NAPA: variants seen among roughly 807,000 people sequenced by gnomAD.
NAPA encodes NSF attachment protein alpha.
A neutral mutation model predicts 48.0 loss-of-function variants in NAPA; 18 were observed. The ratio of observed to expected loss-of-function variants is 0.38; its 90% CI spans 0.26 to 0.56. NAPA has a LOEUF of 0.56. NAPA is among the 20% of genes least tolerant of loss of function. NAPA has a pLI of 0.77. For missense variants in NAPA, 315 were observed against 385.0 expected (o/e 0.82, Z 1.52); for synonymous variants, 152 against 149.9 (o/e 1.01, Z -0.10).
intron 3 of NAPA, among the ~76,000 whole-genome samples, chr19:47,499,568 G>C (rs997859609): frequency 1.3e-5 from 2 of 152,278 alleles, no homozygotes; most frequent in East Asian, 3.8e-4. Flanking sequence ...TCGGCCTCTT[G>C]CCAGGCCTGA....
downstream of NAPA, among the ~76,000 whole-genome samples, chr19:47,487,445 A>T (rs535785827): frequency 4.6e-5 from 7 of 152,232 alleles, no homozygotes; most frequent in East Asian, 1.4e-3. Context: ...CTCCCAAGCC[A>T]GAGCTCCTCC....
intron 3 of NAPA, chr19:47,496,872 G>A (rs1390671615): frequency 2.2e-6 from 1 of 455,996 alleles, no homozygotes; most frequent in Non-Finnish European, 4.4e-6. Flanking sequence ...GGGGTCTGTA[G>A]GTTTTGTCCA....
At chr19:47,496,185 G>A (rs1968417887) in intron 3 of NAPA, 1 of 155,254 alleles carries the variant, frequency 6.4e-6, no homozygotes, top group Non-Finnish European at 1.4e-5. Context: ...TGAGCCCTCA[G>A]TGTGCTCTCC....
At chr19:47,491,105 C>T (rs1434436570) in intron 8 of NAPA, 5 of 431,600 alleles carry the variant, frequency 1.2e-5, no homozygotes, top group Admixed American at 4.2e-5. Flanking sequence ...CAGATAGGCA[C>T]CCACTGCCTC....
intron 1 of NAPA, 113 bp from the exon 2 acceptor site, chr19:47,503,615 T>G: frequency 1.0e-6 from 1 of 986,844 alleles, no homozygotes; most frequent in Non-Finnish European, 1.6e-6. Flanking sequence ...ACCCTTCACC[T>G]GTGAAGCCAG....
At chr19:47,503,297 T>TCCGATG (rs1968621289) in intron 2 of NAPA, 126 bp downstream of exon 2, 5 of 847,284 alleles carry the variant, frequency 5.9e-6, no homozygotes, top group Non-Finnish European at 1.0e-5. Context: ...CCAGTGGCTT[T>TCCGATG]CCGATGCCGG....
In NAPA at chr19:47,488,108, T is replaced by C; in HGVS notation, c.*180A>G. On this transcript the variant is annotated 3_prime_UTR_variant, in exon 11 of 11. Coordinates refer to ENST00000263354, the MANE Select transcript of NAPA (RefSeq NM_003827.4). ...GGATGTAGCGAGAACAGAGGGTGAC[T>C]GTCCGGCCAGCAGCCTGGGCCTCTG... is the stretch of plus-strand genomic sequence containing the variant. The C allele has an allele frequency of 1.7e-6, 1 of 584,246 alleles. No homozygotes were observed. Among genetic ancestry groups the C allele is most frequent in the South Asian group, 2.0e-5 (1 of 49,902 alleles). The allele number at this position is 584,246 out of a possible 1,614,324, so 36.2% of individuals were successfully genotyped here. A position where few individuals can be genotyped will look rare whatever the true frequency, so the allele number is the denominator to read the frequency against.
Position 47,488,297 on chromosome 19 carries a change from GTCC to G in NAPA, c.876_878del (p.Glu292del), listed in dbSNP as rs1225850755. The G allele has an allele frequency of 4.3e-6, 7 of 1,612,906 alleles. No homozygotes were observed. In the Admixed American group the frequency reaches 8.3e-5, roughly 19 times the overall value. On this transcript the variant is annotated inframe_deletion, in exon 11 of 11. Coordinates refer to ENST00000263354, the MANE Select transcript of NAPA (RefSeq NM_003827.4). The stretch of plus-strand genomic sequence containing the variant: ...GGGGGCTGGGTGGGGCTTAGCGCAG[GTCC>G]TCCTCATCGCCCTGGATGGTCTTCT...
intron 1 of NAPA, among the ~76,000 whole-genome samples, chr19:47,508,469 C>A (rs929625948): frequency 6.6e-6 from 1 of 152,210 alleles, no homozygotes; most frequent in Non-Finnish European, 1.5e-5. Context: ...TCCACAAGCC[C>A]CAGTTAACAA....
downstream of NAPA, chr19:47,487,600 G>A (rs907172624): frequency 3.3e-5 from 5 of 152,378 alleles, no homozygotes; most frequent in African/African-American, 1.2e-4. Context: ...CTGGCCCAGG[G>A]GCAGAGTGGG....
chr19:47,488,553 C>CT (rs1374913074), intron 10 of NAPA, 164 bp from the exon 11 acceptor site: 1 of 534,720 alleles, frequency 1.9e-6, no homozygotes. Context: ...TGGGAGCTCC[C>CT]TCTTGTCTGT....
At chr19:47,499,746 G>A (rs529160266) in intron 3 of NAPA, among the ~76,000 whole-genome samples, 3 of 152,350 alleles carry the variant, frequency 2.0e-5, no homozygotes, top group South Asian at 2.1e-4. Flanking sequence ...TCTCAAACAC[G>A]CCATGTGAAC....
Position 47,506,918 on chromosome 19 carries a change from G to A in NAPA, c.99-3416C>T, listed in dbSNP as rs1326652182. On this transcript the variant is annotated intron_variant, in intron 1 of 10. Transcript: ENST00000263354. The surrounding 1 kb of genome is among the most constrained non-coding windows in gnomAD (Gnocchi z 4.0). ...GAAGTCCCCAAAGGGGGAAAGTGAC[G>A]TGCCTAGGTTCCAGTGGAAGATCCT... 6.6e-6 allele frequency: 1 copy of A among 152,260 alleles called. No homozygotes were observed. The highest frequency in any genetic ancestry group is 2.4e-5 in the African/African-American group (1 of 41,458). The allele number at this position is 152,260 out of a possible 1,614,324, so 9.4% of individuals were successfully genotyped here. A position where few individuals can be genotyped will look rare whatever the true frequency, so the allele number is the denominator to read the frequency against.
At chr19:47,488,618 A>T (rs1968148798) in intron 10 of NAPA, 18 of 111,196 alleles carry the variant, frequency 1.6e-4, no homozygotes, top group Non-Finnish European at 1.9e-4. Flanking sequence ...TTGTAGCTTT[A>T]AAAAAAAAAA....
At chr19:47,499,753 G>A (rs974829917) in intron 3 of NAPA, among the ~76,000 whole-genome samples, 3 of 152,248 alleles carry the variant, frequency 2.0e-5, no homozygotes, top group Non-Finnish European at 4.4e-5. Flanking sequence ...CACGCCATGT[G>A]AACCAGTGCT....
Position 47,488,192 on chromosome 19 carries a change from A to T in NAPA, c.*96T>A. On this transcript the variant is annotated 3_prime_UTR_variant, in exon 11 of 11. Transcript: ENST00000263354. ...CCCACTGTGGCCCGCGGCACTCCCC[A>T]GATGGGAAAGGAGGGAAGCTCTCCA... 1 of 1,227,736 alleles carries T rather than the reference A, an allele frequency of 8.1e-7. No homozygotes were observed. The highest frequency in any genetic ancestry group is 1.2e-6 in the Non-Finnish European group (1 of 864,468). The allele number at this position is 1,227,736 out of a possible 1,614,324, so 76.1% of individuals were successfully genotyped here. A position where few individuals can be genotyped will look rare whatever the true frequency, so the allele number is the denominator to read the frequency against.
intron 4 of NAPA, 64 bp downstream of exon 4, chr19:47,495,486 G>C (rs575808957): frequency 6.6e-7 from 1 of 1,521,630 alleles, no homozygotes; most frequent in East Asian, 2.3e-5. Context: ...GCTGAAAGAG[G>C]GGACGCAAGG....
intron 1 of NAPA, among the ~76,000 whole-genome samples, chr19:47,513,220 C>A (rs1325753602): frequency 6.6e-6 from 1 of 152,206 alleles, no homozygotes; most frequent in South Asian, 2.1e-4. Flanking sequence ...GATCCCTTTT[C>A]TGTTCCCTTT....
At chr19:47,510,208 T>A (rs139614623) in intron 1 of NAPA, among the ~76,000 whole-genome samples, 81 of 152,316 alleles carry the variant, frequency 5.3e-4, no homozygotes, top group African/African-American at 1.9e-3. Context: ...GAGAGAAATC[T>A]GGAAGCTCGT....
Sources: gnomAD v4.1 joint callset for allele counts (sites outside exome capture counted in the v4.1 genomes callset) on GRCh38, gnomAD v4.1.1 for gene constraint, Gnocchi (gnomAD v3.1) non-coding constraint, MANE v1.5 for transcripts, NCBI Gene and HGNC (gene_info 2026-07-23, HGNC 2026-07-21) for gene names.